The following STOX1 variants were observed in gnomAD, a reference collection of about 807,000 sequenced individuals.
The protein encoded by STOX1 is storkhead-box protein 1.
In STOX1, 57 loss-of-function variants were observed where a neutral mutation model predicts 74.8. The ratio of observed to expected loss-of-function variants is 0.76; its 90% CI spans 0.62 to 0.95. The LOEUF (loss-of-function observed/expected upper bound fraction) is 0.95, where lower values mean the gene tolerates loss of function less well. Ranked by LOEUF, STOX1 falls within the 40% of genes least tolerant of loss-of-function variation. The pLI, the probability that STOX1 is intolerant of heterozygous loss-of-function variation, is 0.00. For missense variants in STOX1, 1,010 were observed against 1,117.0 expected, an observed-to-expected ratio of 0.90 and a Z score of 1.37; for synonymous variants, 375 against 401.3, an observed-to-expected ratio of 0.93 and a Z score of 0.78.
chr10:68,864,214 G>A (rs375943930), intron 1 of STOX1, among the ~76,000 whole-genome samples: 8 of 152,186 alleles, frequency 5.3e-5, no homozygotes, highest in South Asian at 2.1e-4. Context: ...GTGAGCCACC[G>A]CACCCGGCCA....
intron 1 of STOX1, among the ~76,000 whole-genome samples, chr10:68,837,015 G>C (rs1213522407): frequency 6.6e-6 from 1 of 152,162 alleles, no homozygotes; most frequent in Admixed American, 6.5e-5. Flanking sequence ...CTGCCCTTGC[G>C]CTTGCAGTCG....
At chr10:68,883,758 CTTTTTTT>C (rs71028801) in intron 2 of STOX1, among the ~76,000 whole-genome samples, 1 of 85,536 alleles carries the variant, frequency 1.2e-5, no homozygotes, top group Non-Finnish European at 2.2e-5. Flanking sequence ...GCTTCTTTGG[CTTTTTTT>C]TTTTTTTTTT....
intron 1 of STOX1, among the ~76,000 whole-genome samples, chr10:68,867,511 A>C (rs1386075320): frequency 6.6e-6 from 1 of 152,168 alleles, no homozygotes; most frequent in Admixed American, 6.5e-5. Context: ...CTTTTTGCCC[A>C]GTGTCCTCTG....
intron 1 of STOX1, among the ~76,000 whole-genome samples, chr10:68,856,344 G>A (rs1344016686): frequency 1.3e-5 from 2 of 152,054 alleles, no homozygotes; most frequent in Admixed American, 6.5e-5. Context: ...AATGCAAAAA[G>A]GGAGGCAGAA....
At chr10:68,875,701 T>G (rs1840658369) in intron 1 of STOX1, among the ~76,000 whole-genome samples, 1 of 152,178 alleles carries the variant, frequency 6.6e-6, no homozygotes, top group African/African-American at 2.4e-5. Context: ...TGGAACAATA[T>G]TGTTGAGCTA....
At chr10:68,848,534 C>T (rs904279122) in intron 1 of STOX1, among the ~76,000 whole-genome samples, 8 of 152,160 alleles carry the variant, frequency 5.3e-5, no homozygotes, top group East Asian at 1.9e-4. Context: ...CTCTGCTTCC[C>T]GATCTGTGAA....
Position 68,827,587 on chromosome 10 carries a change from G to C in STOX1, c.-37G>C. 1.8e-6 allele frequency: 2 copies of C among 1,123,006 alleles called. No individual in the cohort carries two copies. Among genetic ancestry groups the C allele is most frequent in the East Asian group, 4.8e-5 (1 of 20,902 alleles). 69.6% of individuals were successfully genotyped at this position (1,123,006 alleles called of 1,614,324 possible). On this transcript the variant is annotated 5_prime_UTR_variant, in exon 1 of 4. Coordinates refer to ENST00000298596, the MANE Select transcript of STOX1 (RefSeq NM_152709.5). Reference sequence around the variant, plus strand: ...GCGTCGTAGCCGCCGCGCTCGCCGAGGCCCTGCGTTGCGGGCTCCCGGCCG... The same window carrying C: ...GCGTCGTAGCCGCCGCGCTCGCCGACGCCCTGCGTTGCGGGCTCCCGGCCG...
intron 1 of STOX1, among the ~76,000 whole-genome samples, chr10:68,845,407 G>A (rs1839814713): frequency 6.6e-6 from 1 of 150,698 alleles, no homozygotes; most frequent in Admixed American, 6.7e-5. Context: ...CTGAGTAGCT[G>A]GGACTACAGG....
chr10:68,889,938 T>G (rs1041521622), intron 3 of STOX1, among the ~76,000 whole-genome samples: 2 of 150,952 alleles, frequency 1.3e-5, no homozygotes, highest in Non-Finnish European at 3.0e-5. Flanking sequence ...CCCAGCTATT[T>G]TGTGTGTGTG....
intron 1 of STOX1, among the ~76,000 whole-genome samples, chr10:68,853,379 G>A (rs1193925504): frequency 1.3e-5 from 2 of 152,136 alleles, no homozygotes; most frequent in Non-Finnish European, 2.9e-5. Flanking sequence ...AAGGCTTCTG[G>A]TTTTAGTCAG....
chr10:68,833,610 G>A (rs1276782926), intron 1 of STOX1, among the ~76,000 whole-genome samples: 1 of 152,068 alleles, frequency 6.6e-6, no homozygotes, highest in Non-Finnish European at 1.5e-5. Context: ...AACAGACCAG[G>A]AAGTTTTATA....
At chr10:68,861,742 G>C (rs1840273411) in intron 1 of STOX1, among the ~76,000 whole-genome samples, 1 of 152,092 alleles carries the variant, frequency 6.6e-6, no homozygotes, top group African/African-American at 2.4e-5. Flanking sequence ...ATTTATGGCT[G>C]CCCATCTTTC....
At chr10:68,878,077 T>C (rs1305573346) in intron 1 of STOX1, among the ~76,000 whole-genome samples, 1 of 152,186 alleles carries the variant, frequency 6.6e-6, no homozygotes, top group Non-Finnish European at 1.5e-5. Flanking sequence ...TTATGGAGTA[T>C]TACTTTCTGA....
At chr10:68,859,710 A>G (rs1178194760) in intron 1 of STOX1, among the ~76,000 whole-genome samples, 1 of 152,010 alleles carries the variant, frequency 6.6e-6, no homozygotes, top group African/African-American at 2.4e-5. Flanking sequence ...AGATTGTAGA[A>G]AGTCTTCTAA....
Position 68,885,134 on chromosome 10 carries a change from C to G in STOX1, c.1338C>G (p.Ser446Arg), listed in dbSNP as rs1554831013. Residue 446 changes from serine to arginine, a missense_variant, in exon 3 of 4, where the codon AGC becomes AGG. Ser to Arg is a moderately radical substitution (Grantham distance 110). Coordinates refer to ENST00000298596, the MANE Select transcript of STOX1 (RefSeq NM_152709.5). ...RNQGSEFQPG[S>R]IRLEKHPKLP... Reference sequence around the variant, plus strand: ...AGGGAAGTGAGTTTCAGCCAGGAAGCATTAGACTGGAGAAACACCCCAAGC... The same window carrying G: ...AGGGAAGTGAGTTTCAGCCAGGAAGGATTAGACTGGAGAAACACCCCAAGC... The G allele has an allele frequency of 6.2e-7, 1 of 1,613,506 alleles. No individual in the cohort carries two copies. Among genetic ancestry groups the G allele is most frequent in the East Asian group, 2.2e-5 (1 of 44,890 alleles).
rs201562997 is a variant in STOX1 at position 68,886,008 on chromosome 10, G to C, written c.2212G>C (p.Glu738Gln). The part of the protein sequence containing the change: ...DDGACSSLYL[E>Q]EDDISENDDL... ...TGGTGCCTGTAGTTCATTATATCTA[G>C]AGGAGGATGACATTTCTGAGAATGA... Residue 738 changes from glutamate (E) to glutamine (Q), a missense_variant, in exon 3 of 4, where the codon GAG becomes CAG. Coordinates refer to ENST00000298596, the MANE Select transcript of STOX1 (RefSeq NM_152709.5). 6.8e-5 allele frequency: 110 copies of C among 1,614,070 alleles called. No individual in the cohort carries two copies. The highest frequency in any genetic ancestry group is 1.4e-5 in the Non-Finnish European group (16 of 1,180,048).
intron 1 of STOX1, among the ~76,000 whole-genome samples, chr10:68,835,955 T>C (rs574551153): frequency 6.0e-4 from 91 of 151,530 alleles, no homozygotes; most frequent in African/African-American, 1.9e-3. Context: ...CACTGAAACC[T>C]CCTCCTCCTG....
intron 1 of STOX1, among the ~76,000 whole-genome samples, chr10:68,834,228 T>C (rs1839484980): frequency 6.6e-6 from 1 of 152,178 alleles, no homozygotes; most frequent in African/African-American, 2.4e-5. Flanking sequence ...GCAAGTACTC[T>C]AGGAGTGTAG....
At position 68,885,351 on chromosome 10, in the gene STOX1, C is replaced by G; in HGVS notation, c.1555C>G (p.Leu519Val). 2.5e-6 allele frequency: 4 copies of G among 1,614,174 alleles called. No homozygotes were observed. The highest frequency in any genetic ancestry group is 3.4e-6 in the Non-Finnish European group (4 of 1,180,032). The stretch of plus-strand genomic sequence containing the variant: ...GCACAAAATTCAGAAGACGAGTGAT[C>G]TGAAACCCAGCCAGACTGGACCAAA... ...KGHKIQKTSD[L>V]KPSQTGPKEK... The change falls in exon 3 of 4, where the codon CTG (leucine) becomes GTG (valine). Residue 519 changes from leucine to valine, a missense_variant. Physicochemically the swap from Leu to Val is conservative, Grantham distance 32. Transcript: ENST00000298596.
Sources: allele counts gnomAD v4.1 joint callset (sites outside exome capture counted in the v4.1 genomes callset), GRCh38; gene constraint gnomAD v4.1.1; transcripts MANE v1.5; gene names NCBI Gene and HGNC (gene_info 2026-07-23, HGNC 2026-07-21).